Variants in IGF2BP2 observed in about 807,000 individuals in gnomAD.
IGF2BP2 encodes insulin like growth factor 2 mRNA binding protein 2.
In IGF2BP2, 17 loss-of-function variants were observed where a neutral mutation model predicts 75.8. The ratio of observed to expected loss-of-function variants is 0.22; its 90% CI spans 0.15 to 0.34. The LOEUF is 0.34. Ranked by LOEUF, IGF2BP2 falls within the 10% of genes least tolerant of loss-of-function variation. The probability of loss-of-function intolerance (pLI) is 1.00; values close to 1 mark genes in which losing one functional copy is unlikely to be tolerated. For missense variants in IGF2BP2, 516 were observed against 772.4 expected, an observed-to-expected ratio of 0.67 and a Z score of 3.93; for synonymous variants, 288 against 295.6, an observed-to-expected ratio of 0.97 and a Z score of 0.26.
chr3:185,765,057 TA>T (rs1490821882), intron 2 of IGF2BP2, among the ~76,000 whole-genome samples: 1 of 152,216 alleles, frequency 6.6e-6, no homozygotes, highest in Non-Finnish European at 1.5e-5. Flanking sequence ...TTTCAAGAGA[TA>T]ATTTACTTAA....
intron 7 of IGF2BP2, among the ~76,000 whole-genome samples, chr3:185,677,062 T>TAGAGAGAG (rs1174637870): frequency 4.0e-5 from 2 of 50,352 alleles, no homozygotes; most frequent in African/African-American, 1.9e-4. Flanking sequence ...TATATATATA[T>TAGAGAGAG]ATATATAGAG....
chr3:185,792,370 T>A lies in IGF2BP2; in HGVS notation c.239+30783A>T, dbSNP rs186872710. ...CTATAATCCCAGAACTTTGGGAGGC[T>A]GAGGCAATTGGATCACTTAAGGCCC... On this transcript the variant is annotated intron_variant, in intron 2 of 15. Coordinates refer to ENST00000382199, the MANE Select transcript of IGF2BP2 (RefSeq NM_006548.6). Among the ~76,000 whole-genome samples, 39 of 152,250 alleles carry A rather than the reference T, an allele frequency of 2.6e-4. 1 individual carries two copies. The highest frequency in any genetic ancestry group is 8.2e-4 in the African/African-American group (34 of 41,546).
At chr3:185,649,919 T>C (rs886330755) in intron 13 of IGF2BP2, among the ~76,000 whole-genome samples, 3 of 152,200 alleles carry the variant, frequency 2.0e-5, no homozygotes, top group African/African-American at 7.2e-5. Flanking sequence ...TCTTATCCCA[T>C]CACCACAGGG....
At chr3:185,811,830 G>GTCTCTC (rs58208457) in intron 2 of IGF2BP2, among the ~76,000 whole-genome samples, 1,837 of 120,572 alleles carry the variant, frequency 0.015, 32 homozygotes, top group Middle Eastern at 0.024. Context: ...AGAGTAGGGT[G>GTCTCTC]TCTCTCTCTC....
At chr3:185,787,380 C>A (rs1042030747) in intron 2 of IGF2BP2, among the ~76,000 whole-genome samples, 1 of 151,900 alleles carries the variant, frequency 6.6e-6, no homozygotes, top group Non-Finnish European at 1.5e-5. Flanking sequence ...TTGTTCAATA[C>A]CCACTAAAAA....
chr3:185,818,213 T>C (rs111666855), intron 2 of IGF2BP2, among the ~76,000 whole-genome samples: 119 of 152,300 alleles, frequency 7.8e-4, no homozygotes, highest in Non-Finnish European at 1.0e-3. Context: ...TCTTGAATTT[T>C]CTGACACTTA....
At chr3:185,740,608 C>G (rs1313299908) in intron 2 of IGF2BP2, among the ~76,000 whole-genome samples, 3 of 152,190 alleles carry the variant, frequency 2.0e-5, no homozygotes, top group Non-Finnish European at 4.4e-5. Context: ...AAAGGTCAAA[C>G]TAACCTATTT....
At chr3:185,802,809 G>A (rs1370842158) in intron 2 of IGF2BP2, among the ~76,000 whole-genome samples, 5 of 152,204 alleles carry the variant, frequency 3.3e-5, no homozygotes, top group Non-Finnish European at 7.3e-5. Flanking sequence ...TTCTCAAGAT[G>A]AGAACATCCA....
rs1010465417 is a variant in IGF2BP2 at position 185,647,636 on chromosome 3, C to T, written c.1594-498G>A. The stretch of plus-strand genomic sequence containing the variant: ...CCGCCAAGACTTGCTCATGCTGTTC[C>T]TACCCTTGGATTGTTGTCCTCTCTC... On this transcript the variant is annotated intron_variant, in intron 14 of 15. Coordinates refer to ENST00000382199, the MANE Select transcript of IGF2BP2 (RefSeq NM_006548.6). This position sits in a 1 kb window ranked among gnomAD's most constrained non-coding sequence, Gnocchi z 4.9. 6.6e-6 allele frequency among the ~76,000 whole-genome samples: 1 copy of T among 152,212 alleles called. No individual in the cohort carries two copies. The highest frequency in any genetic ancestry group is 2.4e-5 in the African/African-American group (1 of 41,454).
chr3:185,687,327 G>A (rs890331442), intron 6 of IGF2BP2, 136 bp from the exon 7 acceptor site: 1 of 849,962 alleles, frequency 1.2e-6, no homozygotes, highest in Admixed American at 3.2e-5. Context: ...TTTGCAATCA[G>A]TGCCATTCTC....
intron 2 of IGF2BP2, among the ~76,000 whole-genome samples, chr3:185,799,805 T>C (rs1247975505): frequency 2.7e-5 from 4 of 149,814 alleles, no homozygotes; most frequent in Non-Finnish European, 4.4e-5. Flanking sequence ...TGTGGAGAAA[T>C]AGGAACACTT....
intron 10 of IGF2BP2, among the ~76,000 whole-genome samples, chr3:185,670,937 T>C (rs1409799284): frequency 1.3e-5 from 2 of 152,322 alleles, no homozygotes; most frequent in South Asian, 4.1e-4. Context: ...ATATTACCTA[T>C]ACTAAGAGGG....
chr3:185,749,563 A>C (rs1256256181), intron 2 of IGF2BP2, among the ~76,000 whole-genome samples: 2 of 152,188 alleles, frequency 1.3e-5, no homozygotes, highest in African/African-American at 2.4e-5. Flanking sequence ...TCTATCCCCA[A>C]ATCTATCCCT....
At chr3:185,650,166 C>T (rs900836582) in intron 13 of IGF2BP2, among the ~76,000 whole-genome samples, 1 of 151,506 alleles carries the variant, frequency 6.6e-6, no homozygotes, top group Non-Finnish European at 1.5e-5. Flanking sequence ...GTGATCCTCC[C>T]ACCTTGGCCT....
chr3:185,821,058 A>AC, intron 2 of IGF2BP2: 1 of 1,535,486 alleles, frequency 6.5e-7, no homozygotes, highest in Non-Finnish European at 8.7e-7. Flanking sequence ...GGACATGAGA[A>AC]CATACAGCTG....
At position 185,702,547 on chromosome 3, in the gene IGF2BP2, T is replaced by A. The variant is rs150212213; in HGVS notation, c.240-4200A>T. Among the ~76,000 whole-genome samples, 18 of 152,284 alleles carry A rather than the reference T, an allele frequency of 1.2e-4. No individual in the cohort carries two copies. The East Asian group carries it at 2.5e-3, about 21-fold the overall frequency. ...TATGTTAAAGATGAAACCAAGCTTCTCTAATTACAGGTAAAAGGCATTTTT... is the reference window on the plus strand; with the variant it reads ...TATGTTAAAGATGAAACCAAGCTTCACTAATTACAGGTAAAAGGCATTTTT... On this transcript the variant is annotated intron_variant, in intron 2 of 15. Coordinates refer to ENST00000382199, the MANE Select transcript of IGF2BP2 (RefSeq NM_006548.6).
intron 2 of IGF2BP2, among the ~76,000 whole-genome samples, chr3:185,701,627 G>A (rs1194063383): frequency 6.6e-6 from 1 of 152,188 alleles, no homozygotes; most frequent in Non-Finnish European, 1.5e-5. Flanking sequence ...GCATTTCCCT[G>A]TAATAGTTCA....
At chr3:185,715,253 TC>T (rs1418193900) in intron 2 of IGF2BP2, among the ~76,000 whole-genome samples, 1 of 152,184 alleles carries the variant, frequency 6.6e-6, no homozygotes, top group Non-Finnish European at 1.5e-5. Context: ...GAATCTCAAG[TC>T]CTCTGATTTG....
chr3:185,816,276 A>T (rs1047796878), intron 2 of IGF2BP2, among the ~76,000 whole-genome samples: 1 of 152,184 alleles, frequency 6.6e-6, no homozygotes, highest in Non-Finnish European at 1.5e-5. Context: ...ACATAACAAC[A>T]ACAACAACCC....
Sources: allele counts gnomAD v4.1 joint callset (sites outside exome capture counted in the v4.1 genomes callset), GRCh38; gene constraint gnomAD v4.1.1; non-coding constraint Gnocchi (gnomAD v3.1); transcripts MANE v1.5; gene names NCBI Gene and HGNC (gene_info 2026-07-23, HGNC 2026-07-21).